EED: variants seen among roughly 807,000 people sequenced by gnomAD.
The protein encoded by EED is polycomb protein EED.
A neutral mutation model predicts 61.0 loss-of-function variants in EED; 9 were observed. The observed-to-expected ratio is 0.15, with a 90% CI of 0.09 to 0.26. The LOEUF (loss-of-function observed/expected upper bound fraction) is 0.26, where lower values mean the gene tolerates loss of function less well. Among genes scored for constraint, EED ranks in the 10% least tolerant of loss-of-function variants. The pLI is 1.00. For missense variants in EED, 315 were observed against 542.3 expected (o/e 0.58, Z 4.16); for synonymous variants, 187 against 174.4 (o/e 1.07, Z -0.57).
chr11:86,256,402 T>C lies in EED; in HGVS notation c.442T>C (p.Tyr148His), dbSNP rs1200013330. The C allele has an allele frequency of 6.3e-7, 1 of 1,587,920 alleles. No homozygotes were observed. Among genetic ancestry groups the C allele is most frequent in the Non-Finnish European group, 8.6e-7 (1 of 1,165,350 alleles). ...YVDADADENF[Y>H]TCAWTYDSNT... ...AATTTCTTAGGCTGATGAAAACTTTTACACTTGTGCATGGACCTATGATAG... is the reference window on the plus strand; with the variant it reads ...AATTTCTTAGGCTGATGAAAACTTTCACACTTGTGCATGGACCTATGATAG... Residue 148 changes from tyrosine (Y) to histidine (H), a missense_variant, in exon 5 of 12, where the codon TAC (tyrosine) becomes CAC (histidine). Physicochemically the swap from Tyr to His is moderately conservative, Grantham distance 83. Around this residue, in one of 2 missense-constraint regions of EED, gnomAD observed 205 missense variants for 455.4 expected, o/e 0.45. Coordinates refer to ENST00000263360, the MANE Select transcript of EED (RefSeq NM_003797.5).
intron 2 of EED, 29 bp from the exon 3 acceptor site, chr11:86,252,119 T>C: frequency 6.3e-7 from 1 of 1,579,122 alleles, no homozygotes. Flanking sequence ...GATACATTAA[T>C]CTTTTCTTAT....
intron 9 of EED, among the ~76,000 whole-genome samples, chr11:86,274,713 A>G (rs556353763): frequency 1.3e-5 from 2 of 152,106 alleles, no homozygotes; most frequent in African/African-American, 4.8e-5. Context: ...GTCTCCATTT[A>G]CACTCTGGGT....
At chr11:86,258,495 C>T (rs1049282095) in intron 6 of EED, among the ~76,000 whole-genome samples, 4 of 151,218 alleles carry the variant, frequency 2.6e-5, no homozygotes, top group East Asian at 1.9e-4. Context: ...CTGTATAGAC[C>T]GTAATGCCTC....
rs202217455 is a variant in EED at position 86,272,288 on chromosome 11, G to C, written c.966+3727G>C. Among the ~76,000 whole-genome samples, 7 of 150,912 alleles carry C rather than the reference G, an allele frequency of 4.6e-5. No individual in the cohort carries two copies. In the East Asian group the frequency reaches 1.4e-3, roughly 30 times the overall value. On this transcript the variant is annotated intron_variant, in intron 9 of 11. Transcript: ENST00000263360. ...TTAGCCAGGATGGTCTCGATCTCCTGACCTGGTGATCCACCTGCTTCGGCC... is the reference window on the plus strand; with the variant it reads ...TTAGCCAGGATGGTCTCGATCTCCTCACCTGGTGATCCACCTGCTTCGGCC...
chr11:86,252,590 T>C (rs1497726), intron 3 of EED, among the ~76,000 whole-genome samples: 53,048 of 151,078 alleles, frequency 0.35, 9,780 homozygotes, highest in Non-Finnish European at 0.41. Context: ...AAGAACTGGC[T>C]GTGATTTTTT....
chr11:86,254,763 C>T (rs1047168889), intron 3 of EED, among the ~76,000 whole-genome samples: 2 of 150,824 alleles, frequency 1.3e-5, no homozygotes, highest in Non-Finnish European at 2.9e-5. Flanking sequence ...GCTGGGATTA[C>T]GGGCATGTGC....
At chr11:86,266,849 CGTT>C (rs1164871562) in intron 8 of EED, among the ~76,000 whole-genome samples, 7 of 152,072 alleles carry the variant, frequency 4.6e-5, no homozygotes, top group African/African-American at 1.4e-4. Flanking sequence ...TCACTATAAA[CGTT>C]GTATGTCTGC....
chr11:86,252,774 TGAGA>T (rs141436133), intron 3 of EED, among the ~76,000 whole-genome samples: 1 of 151,952 alleles, frequency 6.6e-6, no homozygotes, highest in Admixed American at 6.6e-5. Context: ...TGTTTGTTTT[TGAGA>T]GAGAGAGAGT....
chr11:86,272,967 T>C (rs1366056683), intron 9 of EED, among the ~76,000 whole-genome samples: 1 of 152,226 alleles, frequency 6.6e-6, no homozygotes, highest in Non-Finnish European at 1.5e-5. Flanking sequence ...GTTTTTAGAA[T>C]TCCATTTTTA....
At chr11:86,274,758 A>AT in intron 9 of EED, among the ~76,000 whole-genome samples, 1 of 152,262 alleles carries the variant, frequency 6.6e-6, no homozygotes, top group African/African-American at 2.4e-5. Flanking sequence ...ATGGTTATGA[A>AT]TGTCCTAACT....
At chr11:86,263,127 A>T (rs954572308) in intron 6 of EED, among the ~76,000 whole-genome samples, 1 of 152,080 alleles carries the variant, frequency 6.6e-6, no homozygotes, top group Non-Finnish European at 1.5e-5. Flanking sequence ...CTCTTACTCC[A>T]TTTTCCAATA....
intron 6 of EED, among the ~76,000 whole-genome samples, chr11:86,258,243 T>G (rs922463144): frequency 1.3e-5 from 2 of 152,238 alleles, no homozygotes; most frequent in Non-Finnish European, 2.9e-5. Context: ...TGTCCAATCA[T>G]GTAATAATAA....
intron 1 of EED, among the ~76,000 whole-genome samples, chr11:86,245,589 A>G (rs1945373413): frequency 6.6e-6 from 1 of 151,740 alleles, no homozygotes; most frequent in Non-Finnish European, 1.5e-5. Context: ...CTGCCCTGAA[A>G]TCAGTTTGCA....
Position 86,245,168 on chromosome 11 carries a change from T to A in EED, c.-62T>A, listed in dbSNP as rs1342200275. On this transcript the variant is annotated 5_prime_UTR_variant, in exon 1 of 12. Coordinates refer to ENST00000263360, the MANE Select transcript of EED (RefSeq NM_003797.5). ...GCGGCAAGCTCGGGCCGGGCTTGCT[T>A]GACGGCGGTGTGGCGGAGGCCCCGC... The A allele has an allele frequency of 2.8e-6, 4 of 1,419,486 alleles. No individual in the cohort carries two copies. The Admixed American group carries it at 5.6e-5, about 20-fold the overall frequency. 87.9% of individuals were successfully genotyped at this position (1,419,486 alleles called of 1,614,324 possible). A position where few individuals can be genotyped will look rare whatever the true frequency, so the allele number is the denominator to read the frequency against.
Position 86,253,875 on chromosome 11 carries a change from C to T in EED, c.361-1347C>T, listed in dbSNP as rs538723060. 2.0e-5 allele frequency among the ~76,000 whole-genome samples: 3 copies of T among 151,710 alleles called. No individual in the cohort carries two copies. In the South Asian group the frequency reaches 6.2e-4, roughly 32 times the overall value. ...CCAGCCTGACCAACGTGGTGAAACCCTGTCTCTACTAAAAACACAAAAATT... is the reference window on the plus strand; with the variant it reads ...CCAGCCTGACCAACGTGGTGAAACCTTGTCTCTACTAAAAACACAAAAATT... On this transcript the variant is annotated intron_variant, in intron 3 of 11. Transcript: ENST00000263360.
chr11:86,250,577 G>T, intron 2 of EED, 129 bp downstream of exon 2: 1 of 1,125,420 alleles, frequency 8.9e-7, no homozygotes. Context: ...TTTTCTGAAG[G>T]GTTTTTTTTT....
intron 6 of EED, among the ~76,000 whole-genome samples, chr11:86,258,923 A>G (rs1023217322): frequency 7.3e-5 from 11 of 150,962 alleles, no homozygotes; most frequent in African/African-American, 2.4e-4. Flanking sequence ...CTGGAGTGCA[A>G]TGGCTCTATC....
chr11:86,272,199 A>G (rs1015893913), intron 9 of EED, among the ~76,000 whole-genome samples: 1 of 147,536 alleles, frequency 6.8e-6, no homozygotes, highest in African/African-American at 2.5e-5. Flanking sequence ...CTGGGACTAC[A>G]GGAGCCTGCC....
intron 10 of EED, 84 bp downstream of exon 10, chr11:86,277,222 CT>C: frequency 1.6e-6 from 2 of 1,280,860 alleles, no homozygotes; most frequent in Non-Finnish European, 2.1e-6. Context: ...TGTCCATGTT[CT>C]TTTTCCTTTA....
Sources: gnomAD v4.1 joint callset for allele counts (sites outside exome capture counted in the v4.1 genomes callset) on GRCh38, gnomAD v4.1.1 for gene constraint, gnomAD v4.1.1 regional missense constraint, MANE v1.5 for transcripts, NCBI Gene and HGNC (gene_info 2026-07-23, HGNC 2026-07-21) for gene names.